ABCA9: variants seen among roughly 807,000 people sequenced by gnomAD.
ABCA9 encodes the protein ATP-binding cassette sub-family A member 9.
In ABCA9, 183 loss-of-function variants were observed where a neutral mutation model predicts 205.3. That is an observed-to-expected ratio of 0.89 (90% CI 0.79 to 1.01). ABCA9 has a LOEUF of 1.01. Ranked by LOEUF, ABCA9 falls within the 50% of genes least tolerant of loss-of-function variation. The pLI is 0.00. For missense variants in ABCA9, 1,805 were observed against 1,912.4 expected, an observed-to-expected ratio of 0.94 and a Z score of 1.05; for synonymous variants, 651 against 683.3, an observed-to-expected ratio of 0.95 and a Z score of 0.74.
At chr17:68,985,204 A>C in intron 32 of ABCA9, 76 bp from the exon 33 acceptor site, 22 of 1,564,226 alleles carry the variant, frequency 1.4e-5, no homozygotes, top group Non-Finnish European at 1.8e-5. Context: ...ATCAGGAGAA[A>C]CACGACGGTG....
At chr17:68,995,474 T>C (rs1257438529) in intron 26 of ABCA9, among the ~76,000 whole-genome samples, 1 of 152,222 alleles carries the variant, frequency 6.6e-6, no homozygotes, top group Middle Eastern at 3.2e-3. Context: ...ATACCATTTA[T>C]AAACTGATCA....
At chr17:68,991,093 C>A in intron 28 of ABCA9, 136 bp from the exon 29 acceptor site, 2 of 964,062 alleles carry the variant, frequency 2.1e-6, no homozygotes, top group Non-Finnish European at 3.0e-6. Flanking sequence ...CTTCTACTTG[C>A]ACCATCCGCC....
chr17:69,050,381 T>G (rs1023564828), intron 2 of ABCA9, among the ~76,000 whole-genome samples: 3 of 150,590 alleles, frequency 2.0e-5, no homozygotes, highest in African/African-American at 7.3e-5. Flanking sequence ...CACACGTTCA[T>G]AAGATCAGAT....
Position 69,015,859 on chromosome 17 carries a change from C to G in ABCA9, c.3039+394G>C, listed in dbSNP as rs567083867. 4.6e-5 allele frequency among the ~76,000 whole-genome samples: 7 copies of G among 152,136 alleles called. No homozygotes were observed. The East Asian group carries it at 1.2e-3, about 25-fold the overall frequency. ...AACAATGTCCCACTACCTAGGGCCA[C>G]AGATGGTGACAGATCTAGACCAAAA... On this transcript the variant is annotated intron_variant, in intron 22 of 38. Coordinates refer to ENST00000340001, the MANE Select transcript of ABCA9 (RefSeq NM_080283.4).
chr17:68,994,875 C>T (rs2069566306), intron 26 of ABCA9, among the ~76,000 whole-genome samples: 1 of 152,148 alleles, frequency 6.6e-6, no homozygotes, highest in African/African-American at 2.4e-5. Context: ...TCTCTAACAT[C>T]AGCATAGTAT....
At chr17:69,078,805 C>G in the ABCA9 span, 1 of 473,236 alleles carries the variant, frequency 2.1e-6, no homozygotes, top group Non-Finnish European at 3.6e-6. Flanking sequence ...GCTATCACCC[C>G]TATGTTTGAG....
intron 1 of ABCA9, chr17:69,051,632 G>A: frequency 6.5e-6 from 1 of 153,454 alleles, no homozygotes; most frequent in South Asian, 2.0e-4. Flanking sequence ...TTATAATGTA[G>A]ATTATTGTGG....
At position 69,032,288 on chromosome 17, in the gene ABCA9, G is replaced by T; in HGVS notation, c.1277-12C>A. ...ATGTCCATATTCAGCTATGTGAGCA[G>T]GAGGCAATTGAATACTGGGTCAGTC... is the stretch of plus-strand genomic sequence containing the variant. On this transcript the variant is annotated splice_polypyrimidine_tract_variant and intron_variant, in intron 9 of 38. Transcript: ENST00000340001. The T allele has an allele frequency of 1.9e-6, 3 of 1,610,314 alleles. No homozygotes were observed. The highest frequency in any genetic ancestry group is 2.5e-6 in the Non-Finnish European group (3 of 1,178,114).
chr17:69,031,596 G>A (rs1487614303), intron 10 of ABCA9, among the ~76,000 whole-genome samples: 1 of 152,202 alleles, frequency 6.6e-6, no homozygotes. Flanking sequence ...TAAGAGGGAA[G>A]ATAGGCATGA....
At chr17:68,979,128 T>A (rs573907841) in intron 37 of ABCA9, among the ~76,000 whole-genome samples, 21 of 152,164 alleles carry the variant, frequency 1.4e-4, no homozygotes, top group Non-Finnish European at 2.6e-4. Flanking sequence ...TCACAAGCAT[T>A]CTTATACACC....
the ABCA9 span, among the ~76,000 whole-genome samples, chr17:69,078,081 A>G: frequency 2.0e-5 from 3 of 152,132 alleles, no homozygotes; most frequent in African/African-American, 7.2e-5. Context: ...AAAAATCTGA[A>G]CAAATACTAC....
intron 1 of ABCA9, among the ~76,000 whole-genome samples, chr17:69,053,139 T>C (rs2071960090): frequency 6.6e-6 from 1 of 152,176 alleles, no homozygotes; most frequent in Non-Finnish European, 1.5e-5. Context: ...CCATTGGAGA[T>C]TAACTCGAAC....
intron 29 of ABCA9, 42 bp downstream of exon 29, chr17:68,990,795 C>A (rs1389088819): frequency 6.3e-7 from 1 of 1,593,064 alleles, no homozygotes; most frequent in Non-Finnish European, 8.5e-7. Flanking sequence ...CTTTATCTGT[C>A]AGAAAAAAAA....
chr17:69,048,588 A>G (rs2071797492), intron 3 of ABCA9, among the ~76,000 whole-genome samples: 1 of 152,150 alleles, frequency 6.6e-6, no homozygotes, highest in Admixed American at 6.5e-5. Context: ...CATGGGTGAG[A>G]GAATGAGACT....
At chr17:69,012,617 A>AGAT (rs1215382920) in intron 22 of ABCA9, among the ~76,000 whole-genome samples, 7 of 152,236 alleles carry the variant, frequency 4.6e-5, no homozygotes, top group African/African-American at 1.4e-4. Context: ...GGTACATAGT[A>AGAT]GATGTATATA....
the ABCA9 span, among the ~76,000 whole-genome samples, chr17:69,071,210 G>C: frequency 2.0e-5 from 3 of 152,226 alleles, no homozygotes; most frequent in African/African-American, 7.2e-5. Context: ...GAAGAGAGCA[G>C]TGGATCTCTC....
intron 6 of ABCA9, among the ~76,000 whole-genome samples, chr17:69,041,101 G>A (rs1021790602): frequency 5.9e-5 from 9 of 152,132 alleles, no homozygotes; most frequent in African/African-American, 2.2e-4. Context: ...TATGGCAACT[G>A]GCTTATAGTG....
At chr17:68,989,407 A>G (rs527622547) in intron 30 of ABCA9, among the ~76,000 whole-genome samples, 1 of 152,220 alleles carries the variant, frequency 6.6e-6, no homozygotes, top group South Asian at 2.1e-4. Context: ...TGGAAGTTGT[A>G]ACATATTTTG....
In ABCA9 at chr17:69,011,979, G is replaced by A; in HGVS notation, c.3144C>T (p.Tyr1048=). Residue 1048 remains tyrosine (Y), a synonymous_variant, in exon 23 of 39, where the codon TAC becomes TAT. Transcript: ENST00000340001. ...TGAAGACTTTAACTCTTCTTACTTTGTAGTCACCAATGCTGCTCATTGCAA... is the reference window on the plus strand; with the variant it reads ...TGAAGACTTTAACTCTTCTTACTTTATAGTCACCAATGCTGCTCATTGCAA... ...PYIAMSSIGD[Y]KKKAHSQLRI... is the part of the protein sequence containing the mutation. 1 of 1,606,548 alleles carries A rather than the reference G, an allele frequency of 6.2e-7. No individual in the cohort carries two copies. Among genetic ancestry groups the A allele is most frequent in the Non-Finnish European group, 8.5e-7 (1 of 1,175,962 alleles).
Sources: allele counts gnomAD v4.1 joint callset (sites outside exome capture counted in the v4.1 genomes callset), GRCh38; gene constraint gnomAD v4.1.1; transcripts MANE v1.5; gene names NCBI Gene and HGNC (gene_info 2026-07-23, HGNC 2026-07-21).